The following CCNT1 variants were observed in gnomAD, a reference collection of about 807,000 sequenced individuals.
CCNT1 encodes the protein cyclin-T1.
In CCNT1, 18 loss-of-function variants were observed where a neutral mutation model predicts 67.3. That is an observed-to-expected ratio of 0.27 (90% CI 0.18 to 0.40). The LOEUF is 0.40. Among genes scored for constraint, CCNT1 ranks in the 10% least tolerant of loss-of-function variants. The pLI is 1.00. For missense variants in CCNT1, 744 were observed against 884.9 expected (o/e 0.84, Z 2.02); for synonymous variants, 333 against 310.3 (o/e 1.07, Z -0.77).
At position 48,705,440 on chromosome 12, in the gene CCNT1, T is replaced by G. The variant is rs1327615060; in HGVS notation, c.372+328A>C. 2.0e-5 allele frequency among the ~76,000 whole-genome samples: 3 copies of G among 151,884 alleles called. No individual in the cohort carries two copies. In the East Asian group the frequency reaches 5.8e-4, roughly 29 times the overall value. On this transcript the variant is annotated intron_variant, in intron 3 of 8. Coordinates refer to ENST00000261900, the MANE Select transcript of CCNT1 (RefSeq NM_001240.4). ...AGCCACCACATCTGGCTTTTTTTTT[T>G]CTTTTTTTTAAATATAGAGACAGGG...
In CCNT1 at chr12:48,698,126, T is replaced by TA; in HGVS notation, c.542+11dup. ...CCAAAAATCGAAGAGAAAAAAAAAT[T>TA]AAAATATAAACCTGTTGGTTGCCAT... is the stretch of plus-strand genomic sequence containing the variant. On this transcript the variant is annotated intron_variant, in intron 6 of 8. Transcript: ENST00000261900. 6.7e-7 allele frequency: 1 copy of TA among 1,487,910 alleles called. No individual in the cohort carries two copies. The highest frequency in any genetic ancestry group is 1.3e-5 in the South Asian group (1 of 77,488). The allele number at this position is 1,487,910 out of a possible 1,614,324, so 92.2% of individuals were successfully genotyped here. A position where few individuals can be genotyped will look rare whatever the true frequency, so the allele number is the denominator to read the frequency against.
rs142824021 is a variant in CCNT1 at position 48,702,086 on chromosome 12, G to A, written c.373-1013C>T. Among the ~76,000 whole-genome samples, 103 of 152,016 alleles carry A rather than the reference G, an allele frequency of 6.8e-4. 1 individual carries two copies. The highest frequency in any genetic ancestry group is 2.2e-3 in the African/African-American group (92 of 41,418). On this transcript the variant is annotated intron_variant, in intron 3 of 8. Transcript: ENST00000261900. ...TAGTTTTTGTATATTTAGTAGAGAC[G>A]GGGTTTCACCATATTGGCAAAGCTG... is the stretch of plus-strand genomic sequence containing the variant.
In CCNT1 at chr12:48,697,341, G is replaced by A. The variant is rs536173945; in HGVS notation, c.542+797C>T. ...TTGAGACCAGCCTAGTCAACATAGC[G>A]AAACCCCATCTCTACTGAAAATACA... On this transcript the variant is annotated intron_variant, in intron 6 of 8. Coordinates refer to ENST00000261900, the MANE Select transcript of CCNT1 (RefSeq NM_001240.4). Among the ~76,000 whole-genome samples, 19 of 151,510 alleles carry A rather than the reference G, an allele frequency of 1.3e-4. No individual in the cohort carries two copies. The South Asian group carries it at 2.9e-3, about 23-fold the overall frequency.
chr12:48,697,783 C>A (rs1276552007), intron 6 of CCNT1, among the ~76,000 whole-genome samples: 3 of 143,462 alleles, frequency 2.1e-5, no homozygotes, highest in Non-Finnish European at 3.0e-5. Flanking sequence ...TGTGCCACTG[C>A]ACTCCAGCCT....
At chr12:48,696,242 A>T (rs1940166745) in intron 6 of CCNT1, 80 bp from the exon 7 acceptor site, 5 of 229,210 alleles carry the variant, frequency 2.2e-5, no homozygotes, top group East Asian at 1.5e-4. Context: ...CATTATTTAA[A>T]AAAAAAAAAA....
At chr12:48,695,099 C>T (rs1940147959) in intron 8 of CCNT1, among the ~76,000 whole-genome samples, 1 of 152,218 alleles carries the variant, frequency 6.6e-6, no homozygotes, top group East Asian at 1.9e-4. Context: ...GCTGGGACTA[C>T]AGGCATGAGC....
intron 2 of CCNT1, among the ~76,000 whole-genome samples, chr12:48,708,440 G>T (rs1021116017): frequency 1.3e-5 from 2 of 152,026 alleles, no homozygotes; most frequent in African/African-American, 4.8e-5. Flanking sequence ...CCAGCTACTT[G>T]GGAGGCTGAG....
intron 5 of CCNT1, among the ~76,000 whole-genome samples, chr12:48,698,881 G>A (rs921816067): frequency 2.6e-5 from 4 of 151,968 alleles, no homozygotes; most frequent in African/African-American, 7.2e-5. Context: ...GCTTGAACCC[G>A]GGAGGCGGAG....
At chr12:48,715,482 C>T (rs1020540635) in intron 1 of CCNT1, among the ~76,000 whole-genome samples, 1 of 150,634 alleles carries the variant, frequency 6.6e-6, no homozygotes, top group Non-Finnish European at 1.5e-5. Flanking sequence ...TTTTCTGAGA[C>T]GGAGTTTCAC....
rs1179513215 is a variant in CCNT1, at chr12:48,693,872, C to T, written c.1342G>A (p.Glu448Lys). Residue 448 changes from glutamate (E) to lysine (K), a missense_variant, in exon 9 of 9, where the codon GAG becomes AAG. Around this residue, in one of 3 missense-constraint regions of CCNT1, gnomAD observed 564 missense variants for 574.2 expected, o/e 0.98. Coordinates refer to ENST00000261900, the MANE Select transcript of CCNT1 (RefSeq NM_001240.4). ...TCAGCCTTTTCCAGAAAAGGCCGCTCGGGGTTTTCTGAACCCTCTATGGGC... is the reference window on the plus strand; with the variant it reads ...TCAGCCTTTTCCAGAAAAGGCCGCTTGGGGTTTTCTGAACCCTCTATGGGC... ...KMPIEGSENP[E>K]RPFLEKADKT... 3.7e-6 allele frequency: 6 copies of T among 1,613,990 alleles called. No homozygotes were observed. Among genetic ancestry groups the T allele is most frequent in the Non-Finnish European group, 4.2e-6 (5 of 1,179,984 alleles).
rs1940097878 is a variant in CCNT1, at chr12:48,692,878, G to A, written c.*155C>T. 4 of 595,790 alleles carry A rather than the reference G, an allele frequency of 6.7e-6. No individual in the cohort carries two copies. The Admixed American group carries it at 1.2e-4, about 18-fold the overall frequency. 36.9% of individuals were successfully genotyped at this position (595,790 alleles called of 1,614,324 possible). A position where few individuals can be genotyped will look rare whatever the true frequency, so the allele number is the denominator to read the frequency against. On this transcript the variant is annotated 3_prime_UTR_variant, in exon 9 of 9. Transcript: ENST00000261900. ...CATGAGACAGCAGATATATAGCCAA[G>A]GCCTTCTACCACCCTCCTAACTATG...
chr12:48,695,939 G>A, intron 7 of CCNT1, 60 bp downstream of exon 7: 2 of 1,585,494 alleles, frequency 1.3e-6, no homozygotes, highest in Non-Finnish European at 1.7e-6. Flanking sequence ...GTCACCTTTG[G>A]CCAGCTATGT....
At chr12:48,695,898 A>C in intron 7 of CCNT1, 69 bp from the exon 8 acceptor site, 1 of 1,503,210 alleles carries the variant, frequency 6.7e-7, no homozygotes, top group Non-Finnish European at 9.2e-7. Flanking sequence ...AATAACCTGA[A>C]CTACTAACTA....
At chr12:48,711,609 C>T (rs1940451637) in intron 2 of CCNT1, among the ~76,000 whole-genome samples, 1 of 152,078 alleles carries the variant, frequency 6.6e-6, no homozygotes, top group Non-Finnish European at 1.5e-5. Flanking sequence ...CACTTTTTAA[C>T]TACTCACTAC....
chr12:48,712,579 TAAAAAAAAAAAAAAA>T (rs771436761), intron 2 of CCNT1, among the ~76,000 whole-genome samples: 1,246 of 32,896 alleles, frequency 0.038, 18 homozygotes, highest in Non-Finnish European at 0.056. Context: ...ATCTTTTCCT[TAAAAAAAAAAAAAAA>T]TAAAAAAAAA....
chr12:48,705,722 GA>G (rs1565619599), intron 3 of CCNT1, 45 bp downstream of exon 3: 1 of 1,533,088 alleles, frequency 6.5e-7, no homozygotes. Context: ...GAAAAAAAAA[GA>G]AAGGAAAAAA....
chr12:48,709,727 C>G (rs976493366), intron 2 of CCNT1, among the ~76,000 whole-genome samples: 3 of 152,036 alleles, frequency 2.0e-5, no homozygotes. Context: ...AAAAATACCT[C>G]AATGCTAGTT....
intron 6 of CCNT1, chr12:48,697,855 A>AAT (rs72496497): frequency 0.023 from 1,654 of 71,872 alleles, 20 homozygotes; most frequent in South Asian, 0.058. Context: ...AAAAAAAAAA[A>AAT]ATATATATAT....
chr12:48,699,725 C>T (rs1940233687), intron 5 of CCNT1, 53 bp downstream of exon 5: 1 of 1,300,412 alleles, frequency 7.7e-7, no homozygotes, highest in Non-Finnish European at 1.1e-6. Context: ...CAAACCACAA[C>T]CTCTAAATGG....
Sources: allele counts gnomAD v4.1 joint callset (sites outside exome capture counted in the v4.1 genomes callset), GRCh38; gene constraint gnomAD v4.1.1; regional missense constraint gnomAD v4.1.1; transcripts MANE v1.5; gene names NCBI Gene and HGNC (gene_info 2026-07-23, HGNC 2026-07-21).